Variants in RASGEF1C observed in about 807,000 individuals in gnomAD.
RASGEF1C encodes the protein ras-GEF domain-containing family member 1C.
RASGEF1C carries 27 observed loss-of-function variants against 58.1 expected under a neutral mutation model. The observed-to-expected ratio is 0.46, with a 90% CI of 0.34 to 0.64. RASGEF1C has a LOEUF of 0.64. RASGEF1C is among the 30% of genes least tolerant of loss of function. RASGEF1C has a pLI of 0.01. For missense variants in RASGEF1C, 502 were observed against 605.1 expected (o/e 0.83, Z 1.79); for synonymous variants, 243 against 246.3 (o/e 0.99, Z 0.13).
intron 6 of RASGEF1C, among the ~76,000 whole-genome samples, chr5:180,122,907 T>C (rs11956619): frequency 7.0e-4 from 107 of 152,126 alleles, no homozygotes; most frequent in African/African-American, 2.5e-3. Context: ...GATAACTATG[T>C]GGTACAACAG....
chr5:180,194,840 C>T (rs59242824), intron 1 of RASGEF1C, among the ~76,000 whole-genome samples: 5,315 of 152,354 alleles, frequency 0.035, 133 homozygotes, highest in East Asian at 0.1. Flanking sequence ...CGTGCAGTGG[C>T]GGTGGCCAGG....
rs537515193 is a variant in RASGEF1C at position 180,197,163 on chromosome 5, G to A, written c.-7+11865C>T. Among the ~76,000 whole-genome samples the A allele has an allele frequency of 1.2e-4, 19 of 152,346 alleles. No individual in the cohort carries two copies. In the South Asian group the frequency reaches 3.3e-3, roughly 27 times the overall value. ...TCCCCTTCCTGGAGAGTCCCATCTG[G>A]GGACTGAGATTTGGCGTCAGGAAGC... is the stretch of plus-strand genomic sequence containing the variant. On this transcript the variant is annotated intron_variant, in intron 1 of 13. Coordinates refer to ENST00000361132, the MANE Select transcript of RASGEF1C (RefSeq NM_175062.4). The surrounding 1 kb of genome is among the most constrained non-coding windows in gnomAD (Gnocchi z 4.7).
intron 4 of RASGEF1C, among the ~76,000 whole-genome samples, chr5:180,135,047 C>CG (rs977810972): frequency 1.4e-5 from 2 of 140,310 alleles, no homozygotes; most frequent in Non-Finnish European, 3.2e-5. Context: ...CTGTCCCCAC[C>CG]CCCCCCGTCC....
At chr5:180,190,214 A>G (rs542379164) in intron 1 of RASGEF1C, among the ~76,000 whole-genome samples, 22 of 151,902 alleles carry the variant, frequency 1.4e-4, no homozygotes, top group South Asian at 4.2e-4. Context: ...TAGGCCGGGC[A>G]CGGTGGCTCA....
intron 1 of RASGEF1C, among the ~76,000 whole-genome samples, chr5:180,190,008 A>AC (rs1554115617): frequency 4.6e-5 from 7 of 151,472 alleles, no homozygotes; most frequent in Non-Finnish European, 1.0e-4. Flanking sequence ...GAAAAAAAAA[A>AC]CCTGATATTG....
At chr5:180,208,185 C>A (rs1361176399) in intron 1 of RASGEF1C, among the ~76,000 whole-genome samples, 2 of 152,094 alleles carry the variant, frequency 1.3e-5, no homozygotes, top group African/African-American at 4.8e-5. Context: ...CCTCTCTAAA[C>A]CTCAGTTACT....
rs1765775331 is a variant in RASGEF1C at position 180,101,152 on chromosome 5, C to T, written c.*349G>A. 6.7e-6 allele frequency: 2 copies of T among 298,272 alleles called. No individual in the cohort carries two copies. Among genetic ancestry groups the T allele is most frequent in the African/African-American group, 4.3e-5 (2 of 46,580 alleles). The allele number at this position is 298,272 out of a possible 1,614,324, so 18.5% of individuals were successfully genotyped here. On this transcript the variant is annotated 3_prime_UTR_variant, in exon 14 of 14. Transcript: ENST00000361132. ...TGGTGGCCAAAGTGGCACATGTCAC[C>T]AAGCAAGGTCTCGAGCTTGCAGTGG...
At chr5:180,113,783 GGGATGGATGGAGGGACCGA>G (rs1259476419) in intron 11 of RASGEF1C, among the ~76,000 whole-genome samples, 169 of 150,656 alleles carry the variant, frequency 1.1e-3, no homozygotes, top group South Asian at 2.7e-3. Flanking sequence ...GGAGGGATTG[GGGATGGATGGAGGGACCGA>G]GGATGGATGG....
intron 4 of RASGEF1C, among the ~76,000 whole-genome samples, chr5:180,132,789 T>C (rs921249818): frequency 2.0e-5 from 3 of 151,986 alleles, no homozygotes; most frequent in Admixed American, 6.6e-5. Context: ...GCCAACATAG[T>C]GAAACCCTGT....
chr5:180,156,387 C>T lies in RASGEF1C; in HGVS notation c.-6-18329G>A, dbSNP rs116536111. ...GTGAGCAGGGTTGAAAGGGAGTCTTCGGAAACACTGGGCTCAGCACAGTTG... is the reference window on the plus strand; with the variant it reads ...GTGAGCAGGGTTGAAAGGGAGTCTTTGGAAACACTGGGCTCAGCACAGTTG... On this transcript the variant is annotated intron_variant, in intron 1 of 13. Transcript: ENST00000361132. This position sits in a 1 kb window ranked among gnomAD's most constrained non-coding sequence, Gnocchi z 4.9. Among the ~76,000 whole-genome samples the T allele has an allele frequency of 5.3e-3, 814 of 152,226 alleles. 16 individuals are homozygous for T. The highest frequency in any genetic ancestry group is 0.018 in the African/African-American group (749 of 41,556).
chr5:180,152,512 A>G (rs923039589), intron 1 of RASGEF1C, among the ~76,000 whole-genome samples: 2 of 139,546 alleles, frequency 1.4e-5, no homozygotes, highest in African/African-American at 2.7e-5. Flanking sequence ...GAATTGAACA[A>G]TGAGAACACA....
At chr5:180,205,430 G>C (rs1756470280) in intron 1 of RASGEF1C, among the ~76,000 whole-genome samples, 1 of 152,180 alleles carries the variant, frequency 6.6e-6, no homozygotes, top group South Asian at 2.1e-4. Flanking sequence ...CCTAGAAGTA[G>C]TCTTGACAAA....
chr5:180,152,836 G>A (rs1444104657), intron 1 of RASGEF1C, among the ~76,000 whole-genome samples: 1 of 150,024 alleles, frequency 6.7e-6, no homozygotes, highest in African/African-American at 2.5e-5. Context: ...GCTTGAACCC[G>A]AGAGGCGGAA....
intron 6 of RASGEF1C, 66 bp from the exon 7 acceptor site, chr5:180,121,215 A>G: frequency 9.0e-7 from 1 of 1,107,012 alleles, no homozygotes; most frequent in South Asian, 1.3e-5. Flanking sequence ...TTAGAGCATG[A>G]AGTCAGTTCA....
At chr5:180,201,283 C>A (rs985056141) in intron 1 of RASGEF1C, among the ~76,000 whole-genome samples, 1 of 152,256 alleles carries the variant, frequency 6.6e-6, no homozygotes, top group Admixed American at 6.5e-5. Context: ...AGGCAGCCTT[C>A]GGAGGCTTGC....
chr5:180,141,038 TGTAA>T (rs1319376990), intron 1 of RASGEF1C, among the ~76,000 whole-genome samples: 5 of 152,220 alleles, frequency 3.3e-5, no homozygotes, highest in Non-Finnish European at 7.3e-5. Context: ...TCGCTCCACC[TGTAA>T]GTGACGCTTT....
chr5:180,131,476 A>G (rs1179627328), intron 4 of RASGEF1C, among the ~76,000 whole-genome samples: 2 of 151,868 alleles, frequency 1.3e-5, no homozygotes, highest in African/African-American at 4.8e-5. Flanking sequence ...CAGATGGGCC[A>G]TTGGTGTTCA....
chr5:180,139,360 C>T (rs1207474590), intron 1 of RASGEF1C, among the ~76,000 whole-genome samples: 1 of 152,234 alleles, frequency 6.6e-6, no homozygotes, highest in Admixed American at 6.5e-5. Context: ...GCCGTCCTTG[C>T]TGCCCCGATG....
intron 12 of RASGEF1C, 77 bp downstream of exon 12, chr5:180,111,380 G>C: frequency 6.3e-7 from 1 of 1,595,554 alleles, no homozygotes; most frequent in South Asian, 1.1e-5. Context: ...CTCAGAGCAG[G>C]GGTCCTGAAT....
Sources: gnomAD v4.1 joint callset for allele counts (sites outside exome capture counted in the v4.1 genomes callset) on GRCh38, gnomAD v4.1.1 for gene constraint, Gnocchi (gnomAD v3.1) non-coding constraint, MANE v1.5 for transcripts, NCBI Gene and HGNC (gene_info 2026-07-23, HGNC 2026-07-21) for gene names.